CAMTA1: variants seen among roughly 807,000 people sequenced by gnomAD.
The protein encoded by CAMTA1 is calmodulin binding transcription activator 1.
A neutral mutation model predicts 170.9 loss-of-function variants in CAMTA1; 27 were observed. The observed-to-expected ratio is 0.16, with a 90% confidence interval of 0.12 to 0.22. The LOEUF is 0.22. CAMTA1 is among the 10% of genes least tolerant of loss of function. The pLI, the probability that CAMTA1 is intolerant of heterozygous loss-of-function variation, is 1.00. For missense variants in CAMTA1, 1,619 were observed against 2,217.2 expected (o/e 0.73, Z 5.42); for synonymous variants, 833 against 891.5 (o/e 0.93, Z 1.17).
chr1:7,622,529 G>A (rs538637016), intron 6 of CAMTA1, among the ~76,000 whole-genome samples: 14 of 152,312 alleles, frequency 9.2e-5, no homozygotes, highest in Middle Eastern at 3.4e-3. Context: ...CAAATAACCA[G>A]CAAAACAGAG....
intron 5 of CAMTA1, among the ~76,000 whole-genome samples, chr1:7,349,002 A>ATGGCT (rs2084439777): frequency 2.6e-5 from 4 of 152,182 alleles, no homozygotes; most frequent in Admixed American, 6.5e-5. Flanking sequence ...GCCACAGTGA[A>ATGGCT]TCATTTCTTC....
intron 5 of CAMTA1, among the ~76,000 whole-genome samples, chr1:7,337,011 G>A (rs1397331575): frequency 6.6e-6 from 1 of 152,202 alleles, no homozygotes; most frequent in African/African-American, 2.4e-5. Context: ...TTGCTTTTCT[G>A]TTGATTTATG....
intron 1 of CAMTA1, among the ~76,000 whole-genome samples, chr1:6,796,784 A>C (rs541525972): frequency 3.3e-5 from 5 of 152,210 alleles, no homozygotes; most frequent in African/African-American, 1.2e-4. Flanking sequence ...ACAGTTCTTG[A>C]AGAAATCTTA....
intron 6 of CAMTA1, among the ~76,000 whole-genome samples, chr1:7,536,123 C>G (rs544627928): frequency 6.6e-6 from 1 of 151,832 alleles, no homozygotes; most frequent in Admixed American, 6.6e-5. Flanking sequence ...CCTGGCAGCC[C>G]CCAGAGGTGA....
At chr1:6,786,480 C>T (rs1639414016) in intron 1 of CAMTA1, among the ~76,000 whole-genome samples, 1 of 152,154 alleles carries the variant, frequency 6.6e-6, no homozygotes. Context: ...TTTGGGGCCT[C>T]TGCACACTCT....
chr1:7,556,470 C>G (rs898664517), intron 6 of CAMTA1, among the ~76,000 whole-genome samples: 1 of 152,202 alleles, frequency 6.6e-6, no homozygotes, highest in Non-Finnish European at 1.5e-5. Flanking sequence ...TGAGCATGCT[C>G]TCACCCTTGC....
intron 3 of CAMTA1, among the ~76,000 whole-genome samples, chr1:6,879,613 CTTTTTT>C (rs58610375): frequency 1.6e-4 from 21 of 132,874 alleles, no homozygotes; most frequent in Admixed American, 3.2e-4. Flanking sequence ...TTCCTTTTTT[CTTTTTT>C]TTTTTTTTTT....
intron 11 of CAMTA1, among the ~76,000 whole-genome samples, chr1:7,704,749 C>T (rs1439090845): frequency 6.8e-6 from 1 of 147,724 alleles, no homozygotes; most frequent in East Asian, 2.0e-4. Flanking sequence ...CGGAGCCCCG[C>T]GAGTCGTTCC....
intron 3 of CAMTA1, among the ~76,000 whole-genome samples, chr1:6,872,270 T>C (rs7543288): frequency 0.33 from 49,697 of 150,838 alleles, 8,302 homozygotes; most frequent in Admixed American, 0.41. Context: ...CCACATACCC[T>C]TTCCTCTGCA....
chr1:7,270,289 ATAT>A lies in CAMTA1; in HGVS notation c.438+20665_438+20667del, dbSNP rs1293158826. Among the ~76,000 whole-genome samples, 151 of 112,734 alleles carry A rather than the reference ATAT, an allele frequency of 1.3e-3. 2 individuals are homozygous for A. The highest frequency in any genetic ancestry group is 3.6e-3 in the Admixed American group (38 of 10,604). The allele number at this position is 112,734 out of a possible 152,430, so 74.0% of individuals were successfully genotyped here. ...CACACACACACATATATATATATATATATTTTTTTTTTTTTTTCTTGTGAGATG... is the reference window on the plus strand; with the variant it reads ...CACACACACACATATATATATATATATTTTTTTTTTTTTTCTTGTGAGATG... On this transcript the variant is annotated intron_variant, in intron 5 of 22. Transcript: ENST00000303635.
At chr1:7,549,439 T>C (rs1194031634) in intron 6 of CAMTA1, among the ~76,000 whole-genome samples, 1 of 152,056 alleles carries the variant, frequency 6.6e-6, no homozygotes, top group Non-Finnish European at 1.5e-5. Context: ...TCATCCTTAT[T>C]CCCCCGATTG....
At chr1:7,618,634 C>CA (rs1396033634) in intron 6 of CAMTA1, among the ~76,000 whole-genome samples, 1 of 152,208 alleles carries the variant, frequency 6.6e-6, no homozygotes, top group East Asian at 1.9e-4. Context: ...TAAAAGGCCA[C>CA]ACATCAGGGA....
chr1:7,257,011 G>C (rs986524592), intron 5 of CAMTA1, among the ~76,000 whole-genome samples: 1 of 149,064 alleles, frequency 6.7e-6, no homozygotes, highest in Non-Finnish European at 1.5e-5. Context: ...ACCCCATTCA[G>C]AAAGCCTTCA....
At chr1:6,850,343 T>A (rs1421746940) in intron 3 of CAMTA1, among the ~76,000 whole-genome samples, 1 of 152,206 alleles carries the variant, frequency 6.6e-6, no homozygotes, top group African/African-American at 2.4e-5. Flanking sequence ...TTAATATCCT[T>A]CATATCTAAA....
At chr1:7,740,736 T>C (rs543708322) in intron 16 of CAMTA1, among the ~76,000 whole-genome samples, 56 of 152,338 alleles carry the variant, frequency 3.7e-4, no homozygotes, top group Admixed American at 2.7e-3. Context: ...CTAATTTTAT[T>C]TAAGTTTAAA....
intron 3 of CAMTA1, among the ~76,000 whole-genome samples, chr1:7,090,494 A>G (rs759555030): frequency 6.6e-6 from 1 of 152,202 alleles, no homozygotes; most frequent in African/African-American, 2.4e-5. Context: ...AATCCCTGCC[A>G]ATTTCATGTT....
chr1:7,284,110 T>G (rs1459495612), intron 5 of CAMTA1, among the ~76,000 whole-genome samples: 1 of 151,894 alleles, frequency 6.6e-6, no homozygotes, highest in East Asian at 1.9e-4. Flanking sequence ...GAAATGCTGT[T>G]TCGGTATTTG....
chr1:6,834,940 G>T lies in CAMTA1; in HGVS notation c.234+9730G>T, dbSNP rs561185797. Among the ~76,000 whole-genome samples the T allele has an allele frequency of 2.6e-5, 4 of 152,206 alleles. No homozygotes were observed. In the East Asian group the frequency reaches 5.8e-4, roughly 22 times the overall value. On this transcript the variant is annotated intron_variant, in intron 3 of 22. Transcript: ENST00000303635. Reference sequence around the variant, plus strand: ...GGGTGGGAGCTCCCGCCCACACTCGGCCAATTCAGTAGTTTTTAATACATC... The same window carrying T: ...GGGTGGGAGCTCCCGCCCACACTCGTCCAATTCAGTAGTTTTTAATACATC...
chr1:7,259,078 G>C (rs946271740), intron 5 of CAMTA1, among the ~76,000 whole-genome samples: 2 of 152,142 alleles, frequency 1.3e-5, no homozygotes, highest in South Asian at 4.1e-4. Context: ...AGCAGCTCTG[G>C]TGAGGCTGCT....
Sources: allele counts gnomAD v4.1 joint callset (sites outside exome capture counted in the v4.1 genomes callset), GRCh38; gene constraint gnomAD v4.1.1; transcripts MANE v1.5; gene names NCBI Gene and HGNC (gene_info 2026-07-23, HGNC 2026-07-21).